Variants in RALGAPA2 observed in about 807,000 individuals in gnomAD.
RALGAPA2 encodes ral GTPase-activating protein subunit alpha-2.
Under a neutral mutation model 230.4 loss-of-function variants are expected in RALGAPA2, and 139 were observed. The observed-to-expected ratio is 0.60, with a 90% confidence interval of 0.53 to 0.69. RALGAPA2 has a LOEUF of 0.69. RALGAPA2 is among the 30% of genes least tolerant of loss of function. The pLI is 0.00. For synonymous variants in RALGAPA2, 847 were observed against 837.8 expected (o/e 1.01, Z -0.19); for missense variants, 2,163 against 2,276.0 (o/e 0.95, Z 1.01).
chr20:20,562,489 T>C (rs1443240055), intron 23 of RALGAPA2, among the ~76,000 whole-genome samples: 2 of 152,250 alleles, frequency 1.3e-5, no homozygotes, highest in Non-Finnish European at 1.5e-5. Context: ...TTATTTCACG[T>C]AGCATGTCTT....
At chr20:20,394,889 C>CAAAAAAAAA (rs10673778) in intron 39 of RALGAPA2, among the ~76,000 whole-genome samples, 8 of 44,648 alleles carry the variant, frequency 1.8e-4, no homozygotes, top group Admixed American at 6.2e-4. Context: ...AATAAATAAG[C>CAAAAAAAAA]AAAAAAAAAA....
chr20:20,662,149 A>G (rs1270859024), intron 3 of RALGAPA2, among the ~76,000 whole-genome samples: 1 of 152,220 alleles, frequency 6.6e-6, no homozygotes, highest in African/African-American at 2.4e-5. Context: ...ACATCTATGA[A>G]ACATTTACAA....
rs1356551635 is a variant in RALGAPA2 at position 20,583,068 on chromosome 20, C to T, written c.2689G>A (p.Asp897Asn). The change falls in exon 20 of 40, where the codon GAT becomes AAT. Residue 897 changes from aspartate (D) to asparagine (N), a missense_variant. Coordinates refer to ENST00000202677, the MANE Select transcript of RALGAPA2 (RefSeq NM_020343.4). ...ARHWLQLSPTDASNLTDSSEC... is the reference protein window; with the variant it reads ...ARHWLQLSPTNASNLTDSSEC... ...AATTTACCTGTTAAATTTGAAGCAT[C>T]GGTGGGACTCAGTTGTAACCAATGA... The T allele has an allele frequency of 1.9e-6, 3 of 1,613,106 alleles. No individual in the cohort carries two copies. Among genetic ancestry groups the T allele is most frequent in the Middle Eastern group, 1.6e-4 (1 of 6,072 alleles).
intron 5 of RALGAPA2, 125 bp from the exon 6 acceptor site, chr20:20,641,003 C>A (rs1466794978): frequency 1.2e-6 from 1 of 811,690 alleles, no homozygotes; most frequent in Non-Finnish European, 1.9e-6. Context: ...AAACCAAATT[C>A]TTCACTTAGT....
intron 39 of RALGAPA2, among the ~76,000 whole-genome samples, chr20:20,395,797 C>A (rs1255154226): frequency 6.6e-6 from 1 of 152,172 alleles, no homozygotes; most frequent in African/African-American, 2.4e-5. Flanking sequence ...TTTGGATAAA[C>A]CAACAAATCT....
chr20:20,557,068 G>T (rs2064105190), intron 23 of RALGAPA2, among the ~76,000 whole-genome samples: 1 of 152,156 alleles, frequency 6.6e-6, no homozygotes, highest in African/African-American at 2.4e-5. Flanking sequence ...CCAGCACTTT[G>T]GGAGGCCGAG....
chr20:20,503,296 G>C (rs2062431336), intron 35 of RALGAPA2, 55 bp downstream of exon 35: 1 of 1,401,800 alleles, frequency 7.1e-7, no homozygotes, highest in Non-Finnish European at 9.6e-7. Flanking sequence ...TGTCCTAGGA[G>C]AGCCTCACCT....
At chr20:20,565,260 A>G (rs1259918285) in intron 23 of RALGAPA2, among the ~76,000 whole-genome samples, 1 of 152,174 alleles carries the variant, frequency 6.6e-6, no homozygotes, top group Non-Finnish European at 1.5e-5. Flanking sequence ...CCTTAAATAT[A>G]CTTTGAAATT....
intron 36 of RALGAPA2, 80 bp from the exon 37 acceptor site, chr20:20,473,036 C>G: frequency 6.9e-7 from 1 of 1,440,040 alleles, no homozygotes; most frequent in South Asian, 1.3e-5. Context: ...TGACTGATGT[C>G]AGACCTGCAA....
intron 37 of RALGAPA2, among the ~76,000 whole-genome samples, chr20:20,412,756 T>C (rs905790358): frequency 6.6e-6 from 1 of 152,174 alleles, no homozygotes; most frequent in Non-Finnish European, 1.5e-5. Flanking sequence ...AAAAAAAGAC[T>C]ACTGCCTTTT....
intron 31 of RALGAPA2, 86 bp from the exon 32 acceptor site, chr20:20,513,370 G>T (rs2062773754): frequency 8.9e-7 from 1 of 1,129,136 alleles, no homozygotes; most frequent in Non-Finnish European, 1.1e-6. Flanking sequence ...GGGGGCAGGG[G>T]GCAGTTCCAA....
intron 20 of RALGAPA2, among the ~76,000 whole-genome samples, chr20:20,577,829 T>G (rs1247807701): frequency 6.6e-6 from 1 of 152,144 alleles, no homozygotes; most frequent in East Asian, 1.9e-4. Context: ...ATTTACAGCT[T>G]TGTTTCATCG....
Position 20,531,714 on chromosome 20 carries a change from G to A in RALGAPA2, c.3555C>T (p.Ala1185=), listed in dbSNP as rs1338313855. The change falls in exon 27 of 40, where the codon GCC becomes GCT. Residue 1185 remains alanine, a synonymous_variant. Transcript: ENST00000202677. ...QCTSHPQVKE[A]INVIGVTLKF... ...TCAGAGTTACTCCTATCACATTGAT[G>A]GCCTCTTTCACCTGAGGGTGGCTTG... is the stretch of plus-strand genomic sequence containing the variant. The A allele has an allele frequency of 6.2e-7, 1 of 1,607,360 alleles. No homozygotes were observed. Among genetic ancestry groups the A allele is most frequent in the Admixed American group, 1.7e-5 (1 of 59,312 alleles).
intron 16 of RALGAPA2, among the ~76,000 whole-genome samples, chr20:20,592,491 C>G (rs1392979840): frequency 2.0e-5 from 3 of 152,230 alleles, no homozygotes; most frequent in Non-Finnish European, 4.4e-5. Flanking sequence ...GACCTGCTCC[C>G]TGGCCCTGCA....
Position 20,495,261 on chromosome 20 carries a change from C to A in RALGAPA2, c.5223G>T (p.Gly1741=). ...ACCAGACGATATGGACCTCGTCATT[C>A]CCCAAGTGACGAAGCTGCAACAGCA... ...DSLTKKLRHL[G]NDEVHIVWSE... The change falls in exon 36 of 40, where the codon GGG becomes GGT. Residue 1741 remains glycine, a synonymous_variant. Coordinates refer to ENST00000202677, the MANE Select transcript of RALGAPA2 (RefSeq NM_020343.4). 6.6e-7 allele frequency: 1 copy of A among 1,523,858 alleles called. No individual in the cohort carries two copies. Among genetic ancestry groups the A allele is most frequent in the Non-Finnish European group, 8.9e-7 (1 of 1,120,152 alleles). 94.4% of individuals were successfully genotyped at this position (1,523,858 alleles called of 1,614,324 possible).
intron 3 of RALGAPA2, among the ~76,000 whole-genome samples, chr20:20,673,620 A>C (rs1032597595): frequency 4.6e-5 from 7 of 152,186 alleles, no homozygotes; most frequent in African/African-American, 1.7e-4. Flanking sequence ...AACAAGTCTA[A>C]AACTATCAAA....
At chr20:20,594,958 G>C (rs1291665008) in intron 16 of RALGAPA2, among the ~76,000 whole-genome samples, 2 of 151,970 alleles carry the variant, frequency 1.3e-5, no homozygotes, top group Non-Finnish European at 2.9e-5. Flanking sequence ...CTGACCTCAT[G>C]ATCCACCCGC....
intron 37 of RALGAPA2, among the ~76,000 whole-genome samples, chr20:20,459,854 C>T (rs1021271061): frequency 3.3e-5 from 5 of 152,186 alleles, no homozygotes; most frequent in Admixed American, 6.5e-5. Context: ...CTTTTCCCTT[C>T]GAGCTCCCAT....
intron 23 of RALGAPA2, among the ~76,000 whole-genome samples, chr20:20,547,861 C>T (rs2145724626): frequency 6.6e-6 from 1 of 152,300 alleles, no homozygotes; most frequent in African/African-American, 2.4e-5. Flanking sequence ...TAGATGCCTA[C>T]TACACATCCA....
Sources: allele counts gnomAD v4.1 joint callset (sites outside exome capture counted in the v4.1 genomes callset), GRCh38; gene constraint gnomAD v4.1.1; transcripts MANE v1.5; gene names NCBI Gene and HGNC (gene_info 2026-07-23, HGNC 2026-07-21).